Variants in RS1 observed in about 807,000 individuals in gnomAD.
RS1 encodes the protein retinoschisin.
In RS1, 2 loss-of-function variants were observed where a neutral mutation model predicts 20.8. That is an observed-to-expected ratio of 0.10 (90% CI 0.04 to 0.30). The LOEUF (loss-of-function observed/expected upper bound fraction) is 0.30, where lower values mean the gene tolerates loss of function less well. RS1 is among the 10% of genes least tolerant of loss of function. The pLI is 1.00. For synonymous variants in RS1, 70 were observed against 75.8 expected (o/e 0.92, Z 0.40); for missense variants, 151 against 189.8 (o/e 0.80, Z 1.20).
chrX:18,657,566 C>T, intron 2 of RS1, 74 bp downstream of exon 2: 1 of 792,064 alleles, frequency 1.3e-6, no homozygotes, highest in Non-Finnish European at 1.9e-6. Context: ...TGATAGTCCT[C>T]TATGTTATTT....
chrX:18,671,688 C>G (rs775704678), intron 1 of RS1, among the ~76,000 whole-genome samples: 2 of 111,914 alleles, frequency 1.8e-5, no homozygotes, highest in East Asian at 5.6e-4. Context: ...ATTCTACAAT[C>G]ACTCCCACTT....
At position 18,646,135 on chromosome X, in the gene RS1, T is replaced by G. The variant is rs754853671; in HGVS notation, c.326+1056A>C. 2.1e-5 allele frequency: 25 copies of G among 1,208,074 alleles called. No homozygotes were observed. In the East Asian group the frequency reaches 4.7e-4, roughly 23 times the overall value. ...TGCCATCAAGCTGCCATAACGACCC[T>G]AGACTACTGAATGAAACTTTTTTTT... On this transcript the variant is annotated intron_variant, in intron 4 of 5. Coordinates refer to ENST00000379984, the MANE Select transcript of RS1 (RefSeq NM_000330.4).
chrX:18,667,104 T>C (rs1928417609), intron 1 of RS1, among the ~76,000 whole-genome samples: 1 of 111,366 alleles, frequency 9.0e-6, no homozygotes. Context: ...GGCCTGTAGC[T>C]GTTCATCAAG....
In RS1 at chrX:18,639,691, T is replaced by C. The variant is rs1413386557; in HGVS notation, c.*2313A>G. Among the ~76,000 whole-genome samples, 3 of 112,316 alleles carry C rather than the reference T, an allele frequency of 2.7e-5. No homozygotes were observed. Among genetic ancestry groups the C allele is most frequent in the Admixed American group, 9.4e-5 (1 of 10,617 alleles). On this transcript the variant is annotated 3_prime_UTR_variant, in exon 6 of 6. Coordinates refer to ENST00000379984, the MANE Select transcript of RS1 (RefSeq NM_000330.4). ...AAACACACATCCGCACAAAAACTTA[T>C]ACACAAATGTTCATAGCAGCATTAT...
rs774939364 is a variant in RS1 at position 18,651,279 on chromosome X, GAGAGAGAGACAGAGAGACAC to G, written c.185-3967_185-3948del. ...TGTGTGTGTGTGAGAGAGAGAGAGA[GAGAGAGAGACAGAGAGACAC>G]AGAGAGAGACAGAGAGGGATGTGAG... On this transcript the variant is annotated intron_variant, in intron 3 of 5. Coordinates refer to ENST00000379984, the MANE Select transcript of RS1 (RefSeq NM_000330.4). Among the ~76,000 whole-genome samples the G allele has an allele frequency of 7.1e-4, 77 of 108,954 alleles. 1 individual carries two copies. In the East Asian group the frequency reaches 0.021, roughly 29 times the overall value. 94.6% of individuals were successfully genotyped at this position (108,954 alleles called of 115,157 possible). A position where few individuals can be genotyped will look rare whatever the true frequency, so the allele number is the denominator to read the frequency against.
rs1332523283 is a variant in RS1 at position 18,666,050 on chromosome X, A to T, written c.52+5967T>A. Among the ~76,000 whole-genome samples the T allele has an allele frequency of 2.7e-5, 3 of 111,108 alleles. No individual in the cohort carries two copies. In the East Asian group the frequency reaches 8.5e-4, roughly 31 times the overall value. ...GCATTCATTCATTCAACTAATATTC[A>T]TTGAGCATCTACTACATTCCAGTCC... On this transcript the variant is annotated intron_variant, in intron 1 of 5. Coordinates refer to ENST00000379984, the MANE Select transcript of RS1 (RefSeq NM_000330.4).
At chrX:18,642,732 GT>G (rs1199271513) in intron 5 of RS1, among the ~76,000 whole-genome samples, 1 of 112,336 alleles carries the variant, frequency 8.9e-6, no homozygotes, top group African/African-American at 3.2e-5. Flanking sequence ...CTTGGAAAAT[GT>G]TTTTTTAAAA....
chrX:18,650,467 G>A lies in RS1; in HGVS notation c.185-3135C>T. 1.9e-5 allele frequency: 23 copies of A among 1,210,087 alleles called. No individual in the cohort carries two copies. Among genetic ancestry groups the A allele is most frequent in the Non-Finnish European group, 2.5e-5 (22 of 895,172 alleles). ...CCTCACACTCCGTGCGTCCCAAACCGAGCCCTTCATCGTCCAATCTCCAGT... is the reference window on the plus strand; with the variant it reads ...CCTCACACTCCGTGCGTCCCAAACCAAGCCCTTCATCGTCCAATCTCCAGT... On this transcript the variant is annotated intron_variant, in intron 3 of 5. Transcript: ENST00000379984.
intron 3 of RS1, chrX:18,647,759 CTTG>C (rs1196991422): frequency 1.1e-4 from 17 of 158,316 alleles, no homozygotes; most frequent in Admixed American, 3.0e-4. Context: ...CGTCAGGTCT[CTTG>C]TTGTCCTTGG....
chrX:18,652,503 T>C (rs1408700284), intron 3 of RS1, among the ~76,000 whole-genome samples: 3 of 111,517 alleles, frequency 2.7e-5, no homozygotes, highest in Non-Finnish European at 5.7e-5. Flanking sequence ...ACCCCATCTC[T>C]ACTAAAAATA....
At position 18,642,105 on chromosome X, in the gene RS1, G is replaced by A. The variant is rs61753174; in HGVS notation, c.574C>T (p.Pro192Ser). 2 of 1,211,537 alleles carry A rather than the reference G, an allele frequency of 1.7e-6. No homozygotes were observed. Among genetic ancestry groups the A allele is most frequent in the Non-Finnish European group, 2.2e-6 (2 of 895,226 alleles). ...RTSTVQNLLR[P>S]PIISRFIRLI... ...CGGATGAAGCGGGAGATGATGGGGG[G>A]CCGCAGCAGGTTCTGAACCGTGGAG... is the stretch of plus-strand genomic sequence containing the variant. The change falls in exon 6 of 6, where the codon CCC becomes TCC. Residue 192 changes from proline to serine, a missense_variant. Pro to Ser is a moderately conservative substitution (Grantham distance 74). Transcript: ENST00000379984.
chrX:18,665,336 A>G (rs1345214642), intron 1 of RS1, among the ~76,000 whole-genome samples: 2 of 112,048 alleles, frequency 1.8e-5, no homozygotes, highest in Non-Finnish European at 3.8e-5. Flanking sequence ...TCTGAGATGT[A>G]TTATGATCTC....
chrX:18,647,437 G>C (rs750545625), intron 3 of RS1, 105 bp from the exon 4 acceptor site: 8 of 872,062 alleles, frequency 9.2e-6, no homozygotes, highest in Non-Finnish European at 1.3e-5. Context: ...CTTCGGAGAC[G>C]GAGAAGGCTT....
chrX:18,647,604 G>A, intron 3 of RS1: 2 of 347,816 alleles, frequency 5.8e-6, no homozygotes, highest in Non-Finnish European at 1.0e-5. Context: ...CTTCACAAGG[G>A]GTGTGTGGAA....
chrX:18,641,976 C>G lies in RS1; in HGVS notation c.*28G>C. 4.1e-6 allele frequency: 5 copies of G among 1,208,408 alleles called. No homozygotes were observed. The highest frequency in any genetic ancestry group is 5.6e-6 in the Non-Finnish European group (5 of 893,770). On this transcript the variant is annotated 3_prime_UTR_variant, in exon 6 of 6. Coordinates refer to ENST00000379984, the MANE Select transcript of RS1 (RefSeq NM_000330.4). ...ACGGCCCGCTCTGTGCCAGTCACCC[C>G]CTGGCAGGCGCCGAGCTGAGGCAGG...
At chrX:18,642,359 A>G (rs764699036) in intron 5 of RS1, among the ~76,000 whole-genome samples, 4 of 111,865 alleles carry the variant, frequency 3.6e-5, no homozygotes, top group Admixed American at 9.5e-5. Context: ...GCACCATCCA[A>G]TAGGGTGGCC....
chrX:18,666,679 G>T (rs1402922963), intron 1 of RS1, among the ~76,000 whole-genome samples: 2 of 111,508 alleles, frequency 1.8e-5, no homozygotes, highest in South Asian at 7.5e-4. Flanking sequence ...TCATCCGAGG[G>T]AGAGAAGATG....
At position 18,647,245 on chromosome X, in the gene RS1, C is replaced by T. The variant is rs373612815; in HGVS notation, c.272G>A (p.Gly91Asp). 8.3e-7 allele frequency: 1 copy of T among 1,210,830 alleles called. No homozygotes were observed. Among genetic ancestry groups the T allele is most frequent in the Non-Finnish European group, 1.1e-6 (1 of 895,123 alleles). Reference sequence around the variant, plus strand: ...GTTTGCAGTCCACGAAGAATACCAGCCCACATACTGCTCCGGGTTAGAGCA... The same window carrying T: ...GTTTGCAGTCCACGAAGAATACCAGTCCACATACTGCTCCGGGTTAGAGCA... ...ITCSNPEQYV[G>D]WYSSWTANKA... The change falls in exon 4 of 6, where the codon GGC becomes GAC. Residue 91 changes from glycine (G) to aspartate (D), a missense_variant. Physicochemically the swap from Gly to Asp is moderately conservative, Grantham distance 94. Transcript: ENST00000379984.
chrX:18,671,221 C>T (rs1470348106), intron 1 of RS1, among the ~76,000 whole-genome samples: 1 of 111,972 alleles, frequency 8.9e-6, no homozygotes, highest in Non-Finnish European at 1.9e-5. Flanking sequence ...TTTTCTATAA[C>T]ACACAAATAC....
Sources: gnomAD v4.1 joint callset for allele counts (sites outside exome capture counted in the v4.1 genomes callset) on GRCh38, gnomAD v4.1.1 for gene constraint, MANE v1.5 for transcripts, NCBI Gene and HGNC (gene_info 2026-07-23, HGNC 2026-07-21) for gene names.